The following KBTBD3 variants were observed in gnomAD, a reference collection of about 807,000 sequenced individuals.
KBTBD3 encodes the protein kelch repeat and BTB domain containing 3, also known as kelch repeat and BTB domain-containing protein 3.
KBTBD3 carries 38 observed loss-of-function variants against 49.6 expected under a neutral mutation model. The observed-to-expected ratio is 0.77, with a 90% CI of 0.59 to 1.00. KBTBD3 has a LOEUF of 1.00. Among genes scored for constraint, KBTBD3 ranks in the 50% least tolerant of loss-of-function variants. The probability of loss-of-function intolerance (pLI) is 0.00; values close to 1 mark genes in which losing one functional copy is unlikely to be tolerated. For synonymous variants in KBTBD3, 214 were observed against 250.4 expected (o/e 0.85, Z 1.37); for missense variants, 661 against 712.0 (o/e 0.93, Z 0.81).
chr11:106,052,888 T>C lies in KBTBD3; in HGVS notation c.1801A>G (p.Lys601Glu), dbSNP rs1860449633. The stretch of plus-strand genomic sequence containing the variant: ...TTAGAAAACCATGGGTCTCTGTATT[T>C]ATTAAACTGAATCACCTGGCAGTAA... Reference protein sequence around the residue: ...EFYCQVIQFNKYRDPWFSNLC... With the variant: ...EFYCQVIQFNEYRDPWFSNLC... The change falls in exon 4 of 4, where the codon AAA becomes GAA. Residue 601 changes from lysine to glutamate, a missense_variant. By Grantham distance (56) the Lys-to-Glu change is moderately conservative. Transcript: ENST00000531837. 5 of 1,613,434 alleles carry C rather than the reference T, an allele frequency of 3.1e-6. No homozygotes were observed. In the South Asian group the frequency reaches 4.4e-5, roughly 14 times the overall value.
intron 2 of KBTBD3, among the ~76,000 whole-genome samples, chr11:106,068,247 C>G (rs886791266): frequency 6.6e-6 from 1 of 152,106 alleles, no homozygotes; most frequent in Non-Finnish European, 1.5e-5. Flanking sequence ...TCAACAGAAT[C>G]TAATCAACAT....
chr11:106,069,022 T>C (rs1860866302), intron 2 of KBTBD3, among the ~76,000 whole-genome samples: 1 of 152,010 alleles, frequency 6.6e-6, no homozygotes, highest in East Asian at 1.9e-4. Flanking sequence ...GGAAAACTCT[T>C]AGGAAAAGAG....
chr11:106,060,150 T>C (rs1292289073), intron 2 of KBTBD3, among the ~76,000 whole-genome samples: 1 of 15,116 alleles, frequency 6.6e-5, no homozygotes, highest in Non-Finnish European at 1.6e-3. Flanking sequence ...TCTTCCTTTT[T>C]TTGTTTTTTT....
chr11:106,059,799 G>T (rs1860645444), intron 2 of KBTBD3, among the ~76,000 whole-genome samples: 1 of 152,196 alleles, frequency 6.6e-6, no homozygotes. Flanking sequence ...TGCAAATTCA[G>T]CTCTAAACAT....
intron 2 of KBTBD3, among the ~76,000 whole-genome samples, chr11:106,061,037 G>A (rs1860682712): frequency 6.6e-6 from 1 of 152,168 alleles, no homozygotes; most frequent in Admixed American, 6.5e-5. Flanking sequence ...AGACAGTTAT[G>A]TGGCCAACAA....
intron 2 of KBTBD3, among the ~76,000 whole-genome samples, chr11:106,071,622 A>G (rs1397307860): frequency 6.6e-6 from 1 of 152,210 alleles, no homozygotes; most frequent in Non-Finnish European, 1.5e-5. Flanking sequence ...AGAATGACAA[A>G]TCTAAGGAGC....
At chr11:106,071,826 G>A (rs916989538) in intron 2 of KBTBD3, among the ~76,000 whole-genome samples, 1 of 152,106 alleles carries the variant, frequency 6.6e-6, no homozygotes, top group Admixed American at 6.6e-5. Flanking sequence ...TATGACACTG[G>A]ACTGTTGTGA....
chr11:106,059,432 T>C (rs909419740), intron 2 of KBTBD3, among the ~76,000 whole-genome samples: 1 of 152,210 alleles, frequency 6.6e-6, no homozygotes, highest in South Asian at 2.1e-4. Flanking sequence ...ATTATTACTA[T>C]ACATAAGAGG....
chr11:106,066,146 A>T (rs1347275237), intron 2 of KBTBD3, among the ~76,000 whole-genome samples: 1 of 152,176 alleles, frequency 6.6e-6, no homozygotes, highest in Non-Finnish European at 1.5e-5. Context: ...CTACATCCAC[A>T]TCATACAGCA....
At chr11:106,056,004 G>A (rs1323750097) in intron 3 of KBTBD3, among the ~76,000 whole-genome samples, 1 of 152,116 alleles carries the variant, frequency 6.6e-6, no homozygotes, top group Non-Finnish European at 1.5e-5. Flanking sequence ...TAAAACATGT[G>A]TGATTCCTTT....
chr11:106,072,570 T>C (rs573872067), intron 2 of KBTBD3, among the ~76,000 whole-genome samples: 2 of 152,298 alleles, frequency 1.3e-5, no homozygotes, highest in South Asian at 2.1e-4. Context: ...AAGCCTTCCA[T>C]TAAAATTTGA....
intron 2 of KBTBD3, among the ~76,000 whole-genome samples, chr11:106,064,867 C>T (rs1211230345): frequency 2.0e-5 from 3 of 152,126 alleles, no homozygotes; most frequent in Non-Finnish European, 2.9e-5. Context: ...CCCTTGGAAT[C>T]GCTCTATATT....
chr11:106,053,236 G>C lies in KBTBD3; in HGVS notation c.1453C>G (p.Gln485Glu). ...AACTCTGCTACTAGTTCAGACCACT[G>C]ATCAGTTGTAGCATTGTATTTAAAA... ...CFFKYNATTD[Q>E]WSELVAEFGQ... Residue 485 changes from glutamine (Q) to glutamate (E), a missense_variant, in exon 4 of 4, where the codon CAG becomes GAG. By Grantham distance (29) the Gln-to-Glu change is conservative. Transcript: ENST00000531837. The C allele has an allele frequency of 6.2e-7, 1 of 1,613,656 alleles. No individual in the cohort carries two copies. The highest frequency in any genetic ancestry group is 8.5e-7 in the Non-Finnish European group (1 of 1,179,826).
chr11:106,054,069 A>C lies in KBTBD3; in HGVS notation c.620T>G (p.Leu207Ter). The C allele has an allele frequency of 6.2e-7, 1 of 1,613,534 alleles. No homozygotes were observed. Among genetic ancestry groups the C allele is most frequent in the Non-Finnish European group, 8.5e-7 (1 of 1,179,730 alleles). The change falls in exon 4 of 4, where the codon TTA becomes TGA. Residue 207 changes from leucine (L) to a stop codon, truncating the protein, a stop_gained. Transcript: ENST00000531837. LOFTEE classifies it high-confidence loss of function. Reference sequence around the variant, plus strand: ...TACCATTTCTTCTTCAGGAACATTTAATTCATCTGATTCCAGACATTTCTG... The same window carrying C: ...TACCATTTCTTCTTCAGGAACATTTCATTCATCTGATTCCAGACATTTCTG... ...VLQKCLESDE[L>*]NVPEEEMVLK...
At chr11:106,063,357 A>G (rs906519936) in intron 2 of KBTBD3, among the ~76,000 whole-genome samples, 1 of 152,232 alleles carries the variant, frequency 6.6e-6, no homozygotes, top group Non-Finnish European at 1.5e-5. Context: ...ACACTGCTGG[A>G]GTGGAGCTCT....
In KBTBD3 at chr11:106,058,875, C is replaced by T; in HGVS notation, c.223G>A (p.Asp75Asn). The change falls in exon 3 of 4, where the codon GAC becomes AAC. Residue 75 changes from aspartate to asparagine, a missense_variant. Asp to Asn is a conservative substitution (Grantham distance 23). Transcript: ENST00000531837. ...CHRCVLAACS[D>N]FFRAMFEVNM... ...GACAAGGTAAAGTACCTGAAAAAGT[C>T]ACTGCATGCTGCTAACACACAACGA... 1 of 1,564,468 alleles carries T rather than the reference C, an allele frequency of 6.4e-7. No individual in the cohort carries two copies. Among genetic ancestry groups the T allele is most frequent in the Non-Finnish European group, 8.6e-7 (1 of 1,159,180 alleles).
chr11:106,064,466 C>A (rs1248054216), intron 2 of KBTBD3, among the ~76,000 whole-genome samples: 1 of 151,564 alleles, frequency 6.6e-6, no homozygotes, highest in Non-Finnish European at 1.5e-5. Context: ...ATCGCTTGAG[C>A]CTGGGAGGCA....
In KBTBD3 at chr11:106,051,771, C is replaced by T. The variant is rs539825511; in HGVS notation, c.*1079G>A. ...CAGGTTGTGAATACTATTATCAATA[C>T]CAAAAGCCAAGTCATTTTTTTTAAT... On this transcript the variant is annotated 3_prime_UTR_variant, in exon 4 of 4. Transcript: ENST00000531837. The T allele has an allele frequency of 2.0e-5, 3 of 151,710 alleles. No individual in the cohort carries two copies. In the East Asian group the frequency reaches 5.8e-4, roughly 29 times the overall value. 9.4% of individuals were successfully genotyped at this position (151,710 alleles called of 1,614,324 possible).
chr11:106,074,408 C>T (rs1860989747), intron 2 of KBTBD3, among the ~76,000 whole-genome samples: 1 of 152,212 alleles, frequency 6.6e-6, no homozygotes, highest in Admixed American at 6.5e-5. Context: ...TTGTCAATGT[C>T]ACCACACTAC....
Sources: gnomAD v4.1 joint callset for allele counts (sites outside exome capture counted in the v4.1 genomes callset) on GRCh38, gnomAD v4.1.1 for gene constraint, MANE v1.5 for transcripts, NCBI Gene and HGNC (gene_info 2026-07-23, HGNC 2026-07-21) for gene names.